Variants in PHF24 observed in about 807,000 individuals in gnomAD.
The protein encoded by PHF24 is PHD finger protein 24.
A neutral mutation model predicts 42.6 loss-of-function variants in PHF24; 25 were observed. That is an observed-to-expected ratio of 0.59 (90% CI 0.43 to 0.82). The LOEUF (loss-of-function observed/expected upper bound fraction) is 0.82. Ranked by LOEUF, PHF24 falls within the 40% of genes least tolerant of loss-of-function variation. The probability of loss-of-function intolerance (pLI) is 0.00; values close to 1 mark genes in which losing one functional copy is unlikely to be tolerated. For synonymous variants in PHF24, 185 were observed against 204.8 expected, an observed-to-expected ratio of 0.90 and a Z score of 0.83; for missense variants, 470 against 538.1, an observed-to-expected ratio of 0.87 and a Z score of 1.25.
At chr9:34,949,544 G>A in the PHF24 span, among the ~76,000 whole-genome samples, 2 of 152,188 alleles carry the variant, frequency 1.3e-5, no homozygotes, top group African/African-American at 4.8e-5. Context: ...AAAGACACAT[G>A]CAGATGTATG....
At chr9:34,796,326 C>A in the PHF24 span, among the ~76,000 whole-genome samples, 2 of 151,106 alleles carry the variant, frequency 1.3e-5, no homozygotes, top group Admixed American at 6.6e-5. Context: ...GAAAATAATT[C>A]TTAGACATGA....
the PHF24 span, among the ~76,000 whole-genome samples, chr9:34,721,210 TG>T: frequency 3.3e-5 from 5 of 152,204 alleles, no homozygotes; most frequent in Admixed American, 6.5e-5. Flanking sequence ...GTTCTCCCCT[TG>T]AGCTCCTGCA....
chr9:34,723,579 G>A, the PHF24 span: 2 of 1,551,780 alleles, frequency 1.3e-6, no homozygotes, highest in African/African-American at 1.4e-5. Context: ...GGGTTAATAT[G>A]CTGCAGAAAA....
At chr9:34,932,238 C>G in the PHF24 span, among the ~76,000 whole-genome samples, 3 of 152,326 alleles carry the variant, frequency 2.0e-5, no homozygotes, top group African/African-American at 7.2e-5. Flanking sequence ...CAACCCCAAG[C>G]CATGCCCAAA....
the PHF24 span, among the ~76,000 whole-genome samples, chr9:34,868,489 G>T: frequency 2.0e-5 from 3 of 152,192 alleles, no homozygotes; most frequent in Non-Finnish European, 4.4e-5. Context: ...TCTTTTATTT[G>T]TTTTTGCCTA....
the PHF24 span, among the ~76,000 whole-genome samples, chr9:34,803,117 C>T: frequency 2.6e-5 from 4 of 152,250 alleles, no homozygotes; most frequent in East Asian, 7.7e-4. Context: ...AGAAAGAACA[C>T]AGATACATCT....
chr9:34,911,781 A>C, the PHF24 span, among the ~76,000 whole-genome samples: 1 of 152,198 alleles, frequency 6.6e-6, no homozygotes, highest in African/African-American at 2.4e-5. Flanking sequence ...GATTGTAACA[A>C]AAATTCTGGA....
At chr9:34,702,168 A>G in the PHF24 span, among the ~76,000 whole-genome samples, 1 of 152,238 alleles carries the variant, frequency 6.6e-6, no homozygotes, top group African/African-American at 2.4e-5. Context: ...CCTTTGGCCT[A>G]GAATGAGACA....
At chr9:34,801,050 CAT>C in the PHF24 span, among the ~76,000 whole-genome samples, 68 of 152,176 alleles carry the variant, frequency 4.5e-4, no homozygotes, top group African/African-American at 1.3e-3. Context: ...AGCCAACAAA[CAT>C]GTGAAAAAAA....
At chr9:34,890,251 G>C in the PHF24 span, among the ~76,000 whole-genome samples, 1 of 152,212 alleles carries the variant, frequency 6.6e-6, no homozygotes, top group East Asian at 1.9e-4. Flanking sequence ...GCTGGGGAGA[G>C]CTCCAGTGCT....
chr9:34,742,679 C>G, the PHF24 span, among the ~76,000 whole-genome samples: 1 of 152,106 alleles, frequency 6.6e-6, no homozygotes, highest in African/African-American at 2.4e-5. Flanking sequence ...ATCCTCCTGC[C>G]TTGGCCTCCC....
At chr9:34,774,360 G>A in the PHF24 span, among the ~76,000 whole-genome samples, 11 of 152,176 alleles carry the variant, frequency 7.2e-5, no homozygotes, top group Admixed American at 6.5e-4. Flanking sequence ...ATGAGGGATT[G>A]CTATCCAGAA....
chr9:34,937,207 AG>A, the PHF24 span, among the ~76,000 whole-genome samples: 8 of 152,222 alleles, frequency 5.3e-5, no homozygotes, highest in Non-Finnish European at 5.9e-5. Flanking sequence ...TGGAATAGAA[AG>A]GGGGAAAGGT....
At chr9:34,701,304 C>A in the PHF24 span, among the ~76,000 whole-genome samples, 18 of 152,238 alleles carry the variant, frequency 1.2e-4, no homozygotes, top group South Asian at 1.7e-3. The surrounding 1 kb of genome is among the most constrained non-coding windows in gnomAD (Gnocchi z 5.8). Flanking sequence ...AGGGAGAGGA[C>A]CCGGACTAGA....
At chr9:34,681,487 A>G in the PHF24 span, among the ~76,000 whole-genome samples, 7 of 152,312 alleles carry the variant, frequency 4.6e-5, no homozygotes, top group African/African-American at 1.4e-4. Flanking sequence ...ATGTGACTGT[A>G]TCTGAAGATG....
chr9:34,955,016 A>G (rs1177502703), upstream of PHF24, among the ~76,000 whole-genome samples: 1 of 152,246 alleles, frequency 6.6e-6, no homozygotes, highest in African/African-American at 2.4e-5. Flanking sequence ...TTATTTTTTA[A>G]CATAATTTTA....
At chr9:34,851,552 C>G in the PHF24 span, among the ~76,000 whole-genome samples, 1 of 152,228 alleles carries the variant, frequency 6.6e-6, no homozygotes, top group Non-Finnish European at 1.5e-5. Context: ...CCTTGCACTT[C>G]CCGAGTGAGG....
the PHF24 span, among the ~76,000 whole-genome samples, chr9:34,712,129 A>G: frequency 6.6e-6 from 1 of 151,948 alleles, no homozygotes; most frequent in African/African-American, 2.4e-5. Context: ...GTCTTTAAAT[A>G]TATCCCCCAT....
At chr9:34,771,621 A>G in the PHF24 span, among the ~76,000 whole-genome samples, 1 of 152,190 alleles carries the variant, frequency 6.6e-6, no homozygotes, top group African/African-American at 2.4e-5. Context: ...ACATTTATAT[A>G]ATGTATGTGA....
Sources: allele counts gnomAD v4.1 joint callset (sites outside exome capture counted in the v4.1 genomes callset), GRCh38; gene constraint gnomAD v4.1.1; non-coding constraint Gnocchi (gnomAD v3.1); transcripts MANE v1.5; gene names NCBI Gene and HGNC (gene_info 2026-07-23, HGNC 2026-07-21).